CNTNAP2: variants seen among roughly 807,000 people sequenced by gnomAD.
CNTNAP2 encodes the protein contactin-associated protein-like 2.
A neutral mutation model predicts 155.2 loss-of-function variants in CNTNAP2; 98 were observed. That is an observed-to-expected ratio of 0.63 (90% CI 0.54 to 0.75). The LOEUF is 0.75. Among genes scored for constraint, CNTNAP2 ranks in the 30% least tolerant of loss-of-function variants. The pLI, the probability that CNTNAP2 is intolerant of heterozygous loss-of-function variation, is 0.00. For synonymous variants in CNTNAP2, 651 were observed against 631.2 expected (o/e 1.03, Z -0.47); for missense variants, 1,727 against 1,688.1 (o/e 1.02, Z -0.40).
rs190431211 is a variant in CNTNAP2, at chr7:147,922,803, T to C, written c.2255+19082T>C. Among the ~76,000 whole-genome samples, 275 of 152,324 alleles carry C rather than the reference T, an allele frequency of 1.8e-3. 1 individual carries two copies. The highest frequency in any genetic ancestry group is 6.4e-3 in the African/African-American group (267 of 41,578). On this transcript the variant is annotated intron_variant, in intron 14 of 23. Transcript: ENST00000361727. The stretch of plus-strand genomic sequence containing the variant: ...AAATAGGCTATAGAGGTATGAGAAG[T>C]GGTTTTGAATTGTTAGTAAAGAGAG...
intron 9 of CNTNAP2, among the ~76,000 whole-genome samples, chr7:147,368,781 T>C (rs1289247349): frequency 6.6e-6 from 1 of 152,222 alleles, no homozygotes; most frequent in African/African-American, 2.4e-5. Context: ...GTTCCTCTTA[T>C]TGCTGAAGCA....
chr7:146,368,366 A>C (rs1795184428), intron 1 of CNTNAP2, among the ~76,000 whole-genome samples: 1 of 152,162 alleles, frequency 6.6e-6, no homozygotes, highest in Non-Finnish European at 1.5e-5. Flanking sequence ...AAATATATGC[A>C]ATGAAGTCAG....
chr7:148,067,042 C>A (rs1803279555), intron 15 of CNTNAP2, among the ~76,000 whole-genome samples: 1 of 152,082 alleles, frequency 6.6e-6, no homozygotes, highest in South Asian at 2.1e-4. Flanking sequence ...TTGGTTTTCA[C>A]CTTTCTCTGG....
chr7:146,517,526 A>C (rs1797558598), intron 1 of CNTNAP2, among the ~76,000 whole-genome samples: 1 of 151,946 alleles, frequency 6.6e-6, no homozygotes, highest in African/African-American at 2.4e-5. Flanking sequence ...TGTGGAATGG[A>C]CAGTGAATGG....
intron 13 of CNTNAP2, among the ~76,000 whole-genome samples, chr7:147,659,202 A>T (rs896777339): frequency 1.3e-5 from 2 of 152,200 alleles, no homozygotes; most frequent in African/African-American, 4.8e-5. Context: ...ATCTTTTCTC[A>T]TTTCTAAGAA....
chr7:147,310,515 A>G (rs1341733999), intron 9 of CNTNAP2, among the ~76,000 whole-genome samples: 1 of 152,206 alleles, frequency 6.6e-6, no homozygotes, highest in Non-Finnish European at 1.5e-5. Flanking sequence ...AATATCTTCT[A>G]TATCTAAAAT....
At chr7:147,668,715 T>C (rs143211621) in intron 13 of CNTNAP2, among the ~76,000 whole-genome samples, 2,502 of 152,212 alleles carry the variant, frequency 0.016, 222 homozygotes, top group Admixed American at 0.15. Context: ...AAGCTAAGTG[T>C]GATAAAAGAG....
intron 11 of CNTNAP2, among the ~76,000 whole-genome samples, chr7:147,561,473 C>T (rs1473571284): frequency 6.6e-6 from 1 of 152,012 alleles, no homozygotes; most frequent in African/African-American, 2.4e-5. Context: ...GAAAATTTGT[C>T]ATGAGCACTG....
chr7:148,071,636 T>G (rs1411404734), intron 15 of CNTNAP2, among the ~76,000 whole-genome samples: 1 of 152,240 alleles, frequency 6.6e-6, no homozygotes, highest in Non-Finnish European at 1.5e-5. Flanking sequence ...CAGGCAGTAT[T>G]GCCATTCAGT....
intron 15 of CNTNAP2, among the ~76,000 whole-genome samples, chr7:148,071,905 G>C (rs1183249808): frequency 1.3e-5 from 2 of 152,172 alleles, no homozygotes; most frequent in Non-Finnish European, 2.9e-5. Context: ...CAAGGTTGTG[G>C]TGTGCTCTTC....
intron 13 of CNTNAP2, among the ~76,000 whole-genome samples, chr7:147,884,494 GA>G (rs35756362): frequency 0.33 from 47,811 of 145,792 alleles, 7,949 homozygotes; most frequent in Middle Eastern, 0.46. Flanking sequence ...TGCCTCGCCA[GA>G]AAAAAAAAAA....
intron 18 of CNTNAP2, among the ~76,000 whole-genome samples, chr7:148,177,895 G>GTTTTTT (rs71527883): frequency 4.8e-5 from 7 of 146,724 alleles, no homozygotes; most frequent in African/African-American, 1.5e-4. Flanking sequence ...AACAGACACT[G>GTTTTTT]TTTTTTTTTT....
At chr7:146,462,608 A>G (rs1796654537) in intron 1 of CNTNAP2, among the ~76,000 whole-genome samples, 2 of 152,076 alleles carry the variant, frequency 1.3e-5, no homozygotes, top group Admixed American at 1.3e-4. Context: ...TGTTTTCAGA[A>G]TATCTCTTAT....
chr7:146,540,596 A>G (rs368992636), intron 1 of CNTNAP2, among the ~76,000 whole-genome samples: 214 of 152,154 alleles, frequency 1.4e-3, no homozygotes, highest in African/African-American at 4.9e-3. Context: ...CTGGCCTATG[A>G]GTCCCAAAAT....
chr7:147,634,899 C>T (rs1353983235), intron 12 of CNTNAP2, among the ~76,000 whole-genome samples: 1 of 152,134 alleles, frequency 6.6e-6, no homozygotes, highest in African/African-American at 2.4e-5. Flanking sequence ...CTAACTCCCG[C>T]TTCTTCCTAT....
intron 11 of CNTNAP2, among the ~76,000 whole-genome samples, chr7:147,487,307 C>T (rs1177736128): frequency 6.6e-6 from 1 of 151,992 alleles, no homozygotes; most frequent in Non-Finnish European, 1.5e-5. Flanking sequence ...TCTGTGTTTA[C>T]ATATATGAAA....
chr7:146,185,052 G>A (rs926158377), intron 1 of CNTNAP2, among the ~76,000 whole-genome samples: 1 of 152,018 alleles, frequency 6.6e-6, no homozygotes, highest in African/African-American at 2.4e-5. Context: ...TTTGAATTCA[G>A]AACACAGGTT....
At chr7:148,124,802 TG>T (rs1387918687) in intron 16 of CNTNAP2, among the ~76,000 whole-genome samples, 1 of 152,134 alleles carries the variant, frequency 6.6e-6, no homozygotes, top group Non-Finnish European at 1.5e-5. Context: ...TAAATTACAA[TG>T]ATAGGCACAA....
intron 1 of CNTNAP2, among the ~76,000 whole-genome samples, chr7:146,266,902 T>C (rs1410518191): frequency 3.3e-5 from 5 of 152,070 alleles, no homozygotes; most frequent in Non-Finnish European, 7.4e-5. Context: ...TTTTTTTTTT[T>C]TTTTAGTTGG....
Sources: gnomAD v4.1 joint callset for allele counts (sites outside exome capture counted in the v4.1 genomes callset) on GRCh38, gnomAD v4.1.1 for gene constraint, MANE v1.5 for transcripts, NCBI Gene and HGNC (gene_info 2026-07-23, HGNC 2026-07-21) for gene names.